INSR: variants seen among roughly 807,000 people sequenced by gnomAD.
INSR encodes IR.
In INSR, 67 loss-of-function variants were observed where a neutral mutation model predicts 142.6. That is an observed-to-expected ratio of 0.47 (90% CI 0.39 to 0.58). The LOEUF (loss-of-function observed/expected upper bound fraction) is 0.58, where lower values mean the gene tolerates loss of function less well. INSR is among the 20% of genes least tolerant of loss of function. The pLI, the probability that INSR is intolerant of heterozygous loss-of-function variation, is 0.00. For synonymous variants in INSR, 756 were observed against 743.1 expected (o/e 1.02, Z -0.28); for missense variants, 1,248 against 1,833.2 (o/e 0.68, Z 5.83).
intron 2 of INSR, among the ~76,000 whole-genome samples, chr19:7,250,548 AAGGG>A: frequency 7.2e-6 from 1 of 138,206 alleles, no homozygotes; most frequent in Non-Finnish European, 1.6e-5. Flanking sequence ...AGAAGGAAGG[AAGGG>A]AGGAAATAAA....
chr19:7,217,524 G>C (rs1490350185), intron 2 of INSR, among the ~76,000 whole-genome samples: 2 of 152,186 alleles, frequency 1.3e-5, no homozygotes, highest in African/African-American at 2.4e-5. Flanking sequence ...CCCAGCCACA[G>C]AATGTTTCGG....
chr19:7,143,684 C>T (rs1413999618), intron 11 of INSR, among the ~76,000 whole-genome samples: 1 of 152,194 alleles, frequency 6.6e-6, no homozygotes, highest in Admixed American at 6.5e-5. Flanking sequence ...ACACTTCTCC[C>T]CATCCCTTAA....
chr19:7,262,839 G>T (rs1223234843), intron 2 of INSR, among the ~76,000 whole-genome samples: 1 of 152,208 alleles, frequency 6.6e-6, no homozygotes, highest in Non-Finnish European at 1.5e-5. Flanking sequence ...GTGCCAGGGG[G>T]CTGGGAGAGG....
chr19:7,162,952 G>T lies in INSR; in HGVS notation c.2029+80C>A, dbSNP rs1289872253. ...CACTGAGACACAGGAAGAGATAGCT[G>T]CTTCCCTAGAGGTGAAGCAAAGTGC... On this transcript the variant is annotated intron_variant, in intron 9 of 21. Transcript: ENST00000302850. 3 of 1,387,776 alleles carry T rather than the reference G, an allele frequency of 2.2e-6. No homozygotes were observed. In the Admixed American group the frequency reaches 5.0e-5, roughly 23 times the overall value. The allele number at this position is 1,387,776 out of a possible 1,614,324, so 86.0% of individuals were successfully genotyped here. A position where few individuals can be genotyped will look rare whatever the true frequency, so the allele number is the denominator to read the frequency against.
chr19:7,276,488 C>T (rs1480345162), intron 1 of INSR, among the ~76,000 whole-genome samples: 1 of 151,940 alleles, frequency 6.6e-6, no homozygotes, highest in Non-Finnish European at 1.5e-5. Context: ...ATTCTGGGGC[C>T]CACACGTCCC....
intron 9 of INSR, among the ~76,000 whole-genome samples, chr19:7,156,446 T>C (rs546494150): frequency 6.6e-6 from 1 of 152,154 alleles, no homozygotes; most frequent in East Asian, 1.9e-4. Context: ...GGTGATTTTG[T>C]CTCCTACTAG....
rs966799621 is a variant in INSR at position 7,119,777 on chromosome 19, C to T, written c.3660-194G>A. Among the ~76,000 whole-genome samples, 5 of 151,610 alleles carry T rather than the reference C, an allele frequency of 3.3e-5. No individual in the cohort carries two copies. Among genetic ancestry groups the T allele is most frequent in the South Asian group, 2.1e-4 (1 of 4,792 alleles). On this transcript the variant is annotated intron_variant, in intron 20 of 21. Transcript: ENST00000302850. The surrounding 1 kb of genome is among the most constrained non-coding windows in gnomAD (Gnocchi z 5.2). ...ATGCAAATACACACAAACACGCATG[C>T]GCACACATGCACACACAAATATGCA...
chr19:7,144,120 A>T (rs757356308), intron 11 of INSR, among the ~76,000 whole-genome samples: 1 of 152,032 alleles, frequency 6.6e-6, no homozygotes, highest in Non-Finnish European at 1.5e-5. Flanking sequence ...CTTCCTTTGG[A>T]CAATTTTTTC....
chr19:7,270,842 C>T (rs780968604), intron 1 of INSR, among the ~76,000 whole-genome samples: 2 of 151,842 alleles, frequency 1.3e-5, no homozygotes, highest in East Asian at 1.9e-4. Flanking sequence ...GGGCTGATCA[C>T]GAGGTCAGGA....
At chr19:7,200,498 T>G (rs774168464) in intron 2 of INSR, among the ~76,000 whole-genome samples, 1 of 152,042 alleles carries the variant, frequency 6.6e-6, no homozygotes, top group Non-Finnish European at 1.5e-5. Context: ...AAGACCAGCC[T>G]GGGCAACAGA....
intron 7 of INSR, among the ~76,000 whole-genome samples, chr19:7,167,448 T>C (rs531427042): frequency 6.6e-6 from 1 of 152,032 alleles, no homozygotes; most frequent in East Asian, 1.9e-4. Flanking sequence ...TGATGGTGTA[T>C]GCCCATAATC....
chr19:7,274,752 C>G (rs1239190113), intron 1 of INSR, among the ~76,000 whole-genome samples: 12 of 149,680 alleles, frequency 8.0e-5, no homozygotes. Context: ...TTGCAGTGAG[C>G]CAAGATCAGG....
intron 8 of INSR, among the ~76,000 whole-genome samples, chr19:7,163,948 A>AATATATATATATATATAT (rs1555742962): frequency 2.2e-5 from 3 of 136,138 alleles, no homozygotes; most frequent in African/African-American, 9.4e-5. Context: ...AAAAAAAAAA[A>AATATATATATATATATAT]ATTAGCTGGA....
intron 2 of INSR, among the ~76,000 whole-genome samples, chr19:7,200,696 T>TA (rs1030631129): frequency 6.7e-6 from 1 of 149,738 alleles, no homozygotes; most frequent in Non-Finnish European, 1.5e-5. Context: ...AATTAAAGAT[T>TA]AAAAAAAATA....
intron 8 of INSR, among the ~76,000 whole-genome samples, chr19:7,164,444 G>A (rs1008096638): frequency 2.0e-5 from 3 of 152,070 alleles, no homozygotes; most frequent in African/African-American, 4.8e-5. Context: ...AGCACTTTGG[G>A]AGGCCAAGGT....
At position 7,172,292 on chromosome 19, in the gene INSR, A is replaced by G. The variant is rs190326156; in HGVS notation, c.1266T>C (p.Ile422=). The change falls in exon 5 of 22, where the codon ATT becomes ATC. Residue 422 remains isoleucine (I), a splice_region_variant and synonymous_variant. Coordinates refer to ENST00000302850, the MANE Select transcript of INSR (RefSeq NM_000208.4). ...LRLIRGETLE[I]GNYSFYALDN... is the part of the protein sequence containing the mutation. ...TACACACAATCAGGCCCACGTACCC[A>G]ATTTCCAAGGTCTCTCCTCGAATCA... The G allele has an allele frequency of 8.7e-6, 14 of 1,614,068 alleles. No homozygotes were observed. In the East Asian group the frequency reaches 2.9e-4, roughly 33 times the overall value.
At chr19:7,196,062 A>T (rs1392624621) in intron 2 of INSR, among the ~76,000 whole-genome samples, 1 of 151,638 alleles carries the variant, frequency 6.6e-6, no homozygotes, top group Non-Finnish European at 1.5e-5. Flanking sequence ...CAGCCTCCCG[A>T]GTAGCTGGGA....
In INSR at chr19:7,112,780, A is replaced by G. The variant is rs1972237775; in HGVS notation, c.*4276T>C. 2 of 150,032 alleles carry G rather than the reference A, an allele frequency of 1.3e-5. No individual in the cohort carries two copies. The highest frequency in any genetic ancestry group is 4.9e-5 in the African/African-American group (2 of 40,680). 9.3% of individuals were successfully genotyped at this position (150,032 alleles called of 1,614,324 possible). A position where few individuals can be genotyped will look rare whatever the true frequency, so the allele number is the denominator to read the frequency against. The stretch of plus-strand genomic sequence containing the variant: ...CATTGTGTCCCCTCCCCTCACTCCC[A>G]TTTCTCGGGGACCCTTAAGGAAATA... On this transcript the variant is annotated 3_prime_UTR_variant, in exon 22 of 22. Coordinates refer to ENST00000302850, the MANE Select transcript of INSR (RefSeq NM_000208.4).
rs980376662 is a variant in INSR at position 7,192,764 on chromosome 19, G to A, written c.653-8127C>T. ...CTCCCCTTCAAAGCCACATTGAGCT[G>A]CTGGTCCCAATTTTCCCCCAGTTCT... On this transcript the variant is annotated intron_variant, in intron 2 of 21. Coordinates refer to ENST00000302850, the MANE Select transcript of INSR (RefSeq NM_000208.4). The surrounding 1 kb of genome is among the most constrained non-coding windows in gnomAD (Gnocchi z 4.2). 2.6e-5 allele frequency among the ~76,000 whole-genome samples: 4 copies of A among 152,178 alleles called. No individual in the cohort carries two copies. The highest frequency in any genetic ancestry group is 7.2e-5 in the African/African-American group (3 of 41,446).
Sources: gnomAD v4.1 joint callset for allele counts (sites outside exome capture counted in the v4.1 genomes callset) on GRCh38, gnomAD v4.1.1 for gene constraint, Gnocchi (gnomAD v3.1) non-coding constraint, MANE v1.5 for transcripts, NCBI Gene and HGNC (gene_info 2026-07-23, HGNC 2026-07-21) for gene names.